POLD2: variants seen among roughly 807,000 people sequenced by gnomAD.
POLD2 encodes DNA polymerase delta 2, accessory subunit.
POLD2 carries 31 observed loss-of-function variants against 48.8 expected under a neutral mutation model. The ratio of observed to expected loss-of-function variants is 0.64; its 90% CI spans 0.48 to 0.86. The LOEUF is 0.86. POLD2 is among the 40% of genes least tolerant of loss of function. The pLI, the probability that POLD2 is intolerant of heterozygous loss-of-function variation, is 0.00. For synonymous variants in POLD2, 233 were observed against 256.3 expected, an observed-to-expected ratio of 0.91 and a Z score of 0.87; for missense variants, 455 against 610.1, an observed-to-expected ratio of 0.75 and a Z score of 2.68.
chr7:44,115,779 G>T lies in POLD2; in HGVS notation c.1134C>A (p.Ala378=), dbSNP rs771338389. 1.9e-6 allele frequency: 3 copies of T among 1,613,858 alleles called. No homozygotes were observed. The Admixed American group carries it at 5.0e-5, about 27-fold the overall frequency. The part of the protein sequence containing the change: ...TLRVRHISPT[A]PDTLGCYPFY... ...TGAGCCTGTTACCTAGAGTGTCAGG[G>T]GCTGTGGGGCTGATGTGACGGACCC... The change falls in exon 9 of 11, where the codon GCC becomes GCA. Residue 378 remains alanine (A), a synonymous_variant. Transcript: ENST00000610533.
At chr7:44,117,376 A>G (rs1391863246) in intron 4 of POLD2, 129 bp from the exon 5 acceptor site, 8 of 746,572 alleles carry the variant, frequency 1.1e-5, no homozygotes, top group African/African-American at 1.7e-5. Flanking sequence ...GGACTCCAGG[A>G]TGCATGCCTG....
In POLD2 at chr7:44,116,188, A is replaced by T; in HGVS notation, c.946T>A (p.Phe316Ile). 1.2e-6 allele frequency: 2 copies of T among 1,613,968 alleles called. No homozygotes were observed. Among genetic ancestry groups the T allele is most frequent in the Non-Finnish European group, 1.7e-6 (2 of 1,180,020 alleles). Residue 316 changes from phenylalanine to isoleucine, a missense_variant, in exon 8 of 11, where the codon TTC becomes ATC. This residue lies in a region of POLD2 where 349 missense variants were observed against 437.4 expected (regional missense o/e 0.80). Coordinates refer to ENST00000610533, the MANE Select transcript of POLD2 (RefSeq NM_006230.4). The surrounding 1 kb of genome is among the most constrained non-coding windows in gnomAD (Gnocchi z 6.1). ...LPQQPLHPCM[F>I]PLATAYSTLQ... ...GTGGAGTAGGCAGTGGCCAGCGGGA[A>T]CATGCAGGGGTGGAGGGGCTGCTGG...
Position 44,116,895 on chromosome 7 carries a change from G to A in POLD2, c.702C>T (p.Ser234=), listed in dbSNP as rs148736907. The A allele has an allele frequency of 1.6e-5, 26 of 1,613,802 alleles. No individual in the cohort carries two copies. Among genetic ancestry groups the A allele is most frequent in the African/African-American group, 4.0e-5 (3 of 74,898 alleles). ...GQLGDEGEQC[S]AAHVSRVILA... ...GGATAACCCGGGAGACGTGGGCGGC[G>A]CTGCACTGCTCCCCTTCGTCCCCAA... Residue 234 remains serine, a synonymous_variant, in exon 6 of 11, where the codon AGC becomes AGT. Transcript: ENST00000610533. This position sits in a 1 kb window ranked among gnomAD's most constrained non-coding sequence, Gnocchi z 6.1.
rs372091344 is a variant in POLD2 at position 44,116,255 on chromosome 7, G to A, written c.879C>T (p.Asp293=). The A allele has an allele frequency of 1.1e-4, 173 of 1,610,738 alleles. No homozygotes were observed. The highest frequency in any genetic ancestry group is 4.0e-4 in the Admixed American group (24 of 59,826). Reference sequence around the variant, plus strand: ...TGGGATCAAACTCGCCTGGCATCACGTCCACGGGCACTGAGGCCTGGAAGG... The same window carrying A: ...TGGGATCAAACTCGCCTGGCATCACATCCACGGGCACTGAGGCCTGGAAGG... The part of the protein sequence containing the change: ...LLQLSASVPV[D]VMPGEFDPTN... Residue 293 remains aspartate (D), a synonymous_variant, in exon 8 of 11, where the codon GAC becomes GAT. Coordinates refer to ENST00000610533, the MANE Select transcript of POLD2 (RefSeq NM_006230.4). The surrounding 1 kb of genome is among the most constrained non-coding windows in gnomAD (Gnocchi z 6.1).
At position 44,116,064 on chromosome 7, in the gene POLD2, C is replaced by A; in HGVS notation, c.1019+51G>T. On this transcript the variant is annotated intron_variant, in intron 8 of 10. Coordinates refer to ENST00000610533, the MANE Select transcript of POLD2 (RefSeq NM_006230.4). The surrounding 1 kb of genome is among the most constrained non-coding windows in gnomAD (Gnocchi z 6.1). ...CCCTCCCTCCCCTCCCTTCTTTGTG[C>A]CTCCTGAGGCAAAAGGCTGGGTCAG... is the stretch of plus-strand genomic sequence containing the variant. 1.2e-6 allele frequency: 2 copies of A among 1,610,648 alleles called. No individual in the cohort carries two copies. The highest frequency in any genetic ancestry group is 1.7e-6 in the Non-Finnish European group (2 of 1,177,748).
rs1036947716 is a variant in POLD2 at position 44,121,259 on chromosome 7, T to C, written c.220+575A>G. On this transcript the variant is annotated intron_variant, in intron 2 of 10. Transcript: ENST00000610533. This position sits in a 1 kb window ranked among gnomAD's most constrained non-coding sequence, Gnocchi z 4.5. ...GTCCCTGCTTCACCACCAAGAGTAA[T>C]CCAACTGCAGGAGAGATCACCAGGG... 6.6e-6 allele frequency among the ~76,000 whole-genome samples: 1 copy of C among 151,706 alleles called. No individual in the cohort carries two copies. The highest frequency in any genetic ancestry group is 1.5e-5 in the Non-Finnish European group (1 of 67,944).
Position 44,116,718 on chromosome 7 carries a change from G to GGA in POLD2, c.780+98_780+99insTC, listed in dbSNP as rs1476516205. On this transcript the variant is annotated intron_variant, in intron 6 of 10. Transcript: ENST00000610533. This position sits in a 1 kb window ranked among gnomAD's most constrained non-coding sequence, Gnocchi z 6.1. ...TGCAGGGCGCTTCCCACCGACCTGCGAGACCTCACAGGGTACCCTACTCGC... is the reference window on the plus strand; with the variant it reads ...TGCAGGGCGCTTCCCACCGACCTGCGGAAGACCTCACAGGGTACCCTACTCGC... The GGA allele has an allele frequency of 7.2e-5, 97 of 1,352,352 alleles. No individual in the cohort carries two copies. The highest frequency in any genetic ancestry group is 9.2e-5 in the Non-Finnish European group (89 of 965,056). The allele number at this position is 1,352,352 out of a possible 1,614,324, so 83.8% of individuals were successfully genotyped here. A position where few individuals can be genotyped will look rare whatever the true frequency, so the allele number is the denominator to read the frequency against.
Position 44,116,825 on chromosome 7 carries a change from T to C in POLD2, c.772A>G (p.Ile258Val), listed in dbSNP as rs966156759. 1.2e-5 allele frequency: 19 copies of C among 1,613,678 alleles called. No homozygotes were observed. The highest frequency in any genetic ancestry group is 1.4e-5 in the Non-Finnish European group (17 of 1,179,964). ...CCAGGTGGGCTCCATACCTTATTGA[T>C]AGAATCCCTGCTCTGGGTGCTGTGG... ...LSHSTQSRDS[I>V]NKAKYLTKKT... is the part of the protein sequence containing the mutation. The change falls in exon 6 of 11, where the codon ATC becomes GTC. Residue 258 changes from isoleucine to valine, a missense_variant. Ile to Val is a conservative substitution (Grantham distance 29). Transcript: ENST00000610533. This position sits in a 1 kb window ranked among gnomAD's most constrained non-coding sequence, Gnocchi z 6.1.
chr7:44,116,267 T>C lies in POLD2; in HGVS notation c.867A>G (p.Ser289=), dbSNP rs750572802. The C allele has an allele frequency of 2.5e-6, 4 of 1,609,096 alleles. No homozygotes were observed. Among genetic ancestry groups the C allele is most frequent in the Non-Finnish European group, 3.4e-6 (4 of 1,177,208 alleles). ...LDEILLQLSA[S]VPVDVMPGEF... The stretch of plus-strand genomic sequence containing the variant: ...CGCCTGGCATCACGTCCACGGGCAC[T>C]GAGGCCTGGAAGGCACAGGGCAGGG... Residue 289 remains serine, a synonymous_variant, in exon 8 of 11, where the codon TCA becomes TCG. Transcript: ENST00000610533. This position sits in a 1 kb window ranked among gnomAD's most constrained non-coding sequence, Gnocchi z 6.1.
chr7:44,116,797 C>T lies in POLD2; in HGVS notation c.780+20G>A, dbSNP rs1343208688. On this transcript the variant is annotated intron_variant, in intron 6 of 10. Transcript: ENST00000610533. The surrounding 1 kb of genome is among the most constrained non-coding windows in gnomAD (Gnocchi z 6.1). Reference sequence around the variant, plus strand: ...CAGGCTCCTGGGCTGGGGCTGAATGCAGCCAGGTGGGCTCCATACCTTATT... The same window carrying T: ...CAGGCTCCTGGGCTGGGGCTGAATGTAGCCAGGTGGGCTCCATACCTTATT... 13 of 1,611,024 alleles carry T rather than the reference C, an allele frequency of 8.1e-6. No individual in the cohort carries two copies. Among genetic ancestry groups the T allele is most frequent in the Non-Finnish European group, 1.1e-5 (13 of 1,178,272 alleles).
chr7:44,114,879 A>G lies in POLD2; in HGVS notation c.1316T>C (p.Leu439Pro), dbSNP rs764357869. ...PDFSATQTAC[L>P]VNLRSLACQP... is the part of the protein sequence containing the mutation. Reference sequence around the variant, plus strand: ...GCAGGCCAGGCTGCGCAGGTTCACAAGGCAGGCGGTCTGCGTGGCACTGAA... The same window carrying G: ...GCAGGCCAGGCTGCGCAGGTTCACAGGGCAGGCGGTCTGCGTGGCACTGAA... The change falls in exon 11 of 11, where the codon CTT becomes CCT. Residue 439 changes from leucine to proline, a missense_variant. Physicochemically the swap from Leu to Pro is moderately conservative, Grantham distance 98. Coordinates refer to ENST00000610533, the MANE Select transcript of POLD2 (RefSeq NM_006230.4). 6.2e-7 allele frequency: 1 copy of G among 1,613,754 alleles called. No homozygotes were observed. Among genetic ancestry groups the G allele is most frequent in the Non-Finnish European group, 8.5e-7 (1 of 1,179,882 alleles).
intron 2 of POLD2, among the ~76,000 whole-genome samples, chr7:44,118,727 G>GC: frequency 6.6e-6 from 1 of 151,598 alleles, no homozygotes; most frequent in Non-Finnish European, 1.5e-5. Flanking sequence ...CACCGTGTTA[G>GC]CCAGGATGGT....
At position 44,116,654 on chromosome 7, in the gene POLD2, G is replaced by A; in HGVS notation, c.781-144C>T. 1.0e-6 allele frequency: 1 copy of A among 1,001,506 alleles called. No individual in the cohort carries two copies. The highest frequency in any genetic ancestry group is 1.6e-5 in the African/African-American group (1 of 62,670). 62.0% of individuals were successfully genotyped at this position (1,001,506 alleles called of 1,614,324 possible). A position where few individuals can be genotyped will look rare whatever the true frequency, so the allele number is the denominator to read the frequency against. On this transcript the variant is annotated intron_variant, in intron 6 of 10. Coordinates refer to ENST00000610533, the MANE Select transcript of POLD2 (RefSeq NM_006230.4). This position sits in a 1 kb window ranked among gnomAD's most constrained non-coding sequence, Gnocchi z 6.1. ...CTCCCACCATCCTCAGCGAGGGCCT[G>A]GGCATGAGGAGCCCCATTGCAGGAG... is the stretch of plus-strand genomic sequence containing the variant.
chr7:44,115,667 T>C, intron 9 of POLD2, 99 bp downstream of exon 9: 13 of 1,331,940 alleles, frequency 9.8e-6, no homozygotes, highest in South Asian at 2.8e-5. Context: ...TTCTCAGCAA[T>C]GCTGGCAAGT....
chr7:44,118,798 C>T (rs962906840), intron 2 of POLD2, among the ~76,000 whole-genome samples: 7 of 152,072 alleles, frequency 4.6e-5, no homozygotes, highest in Admixed American at 1.3e-4. Context: ...GGATTACAGT[C>T]GTGAGCCACC....
Position 44,116,544 on chromosome 7 carries a change from G to A in POLD2, c.781-34C>T. The A allele has an allele frequency of 6.6e-7, 1 of 1,521,442 alleles. No individual in the cohort carries two copies. The highest frequency in any genetic ancestry group is 8.9e-7 in the Non-Finnish European group (1 of 1,118,470). The allele number at this position is 1,521,442 out of a possible 1,614,324, so 94.2% of individuals were successfully genotyped here. A position where few individuals can be genotyped will look rare whatever the true frequency, so the allele number is the denominator to read the frequency against. On this transcript the variant is annotated intron_variant, in intron 6 of 10. Transcript: ENST00000610533. This position sits in a 1 kb window ranked among gnomAD's most constrained non-coding sequence, Gnocchi z 6.1. ...GAAGCCCAGAAGGCCATCAGGCCCA[G>A]GCGAGTCCCAGGCTCAGAGGAGAGT...
chr7:44,122,220 T>C (rs775498636), intron 1 of POLD2, 111 bp from the exon 2 acceptor site: 162 of 1,433,090 alleles, frequency 1.1e-4, no homozygotes, highest in Non-Finnish European at 1.4e-4. Context: ...AGAACAGCTG[T>C]AGTTGACACC....
At chr7:44,123,155 G>T (rs1268546042) in intron 1 of POLD2, 3 of 836,292 alleles carry the variant, frequency 3.6e-6, no homozygotes, top group South Asian at 3.8e-5. Context: ...GATTTGTTTC[G>T]TTTTACTTTT....
rs1210142271 is a variant in POLD2, at chr7:44,116,586, G to C, written c.781-76C>G. The stretch of plus-strand genomic sequence containing the variant: ...GAGGAGAGTAGAGCCCCACCAGCTG[G>C]AAGATGCAGTTGTTGTCCCATAGAC... On this transcript the variant is annotated intron_variant, in intron 6 of 10. Coordinates refer to ENST00000610533, the MANE Select transcript of POLD2 (RefSeq NM_006230.4). The surrounding 1 kb of genome is among the most constrained non-coding windows in gnomAD (Gnocchi z 6.1). 9.7e-6 allele frequency: 12 copies of C among 1,233,154 alleles called. No individual in the cohort carries two copies. Among genetic ancestry groups the C allele is most frequent in the Non-Finnish European group, 1.4e-5 (12 of 861,026 alleles). The allele number at this position is 1,233,154 out of a possible 1,614,324, so 76.4% of individuals were successfully genotyped here.
Sources: gnomAD v4.1 joint callset for allele counts (sites outside exome capture counted in the v4.1 genomes callset) on GRCh38, gnomAD v4.1.1 for gene constraint, gnomAD v4.1.1 regional missense constraint, Gnocchi (gnomAD v3.1) non-coding constraint, MANE v1.5 for transcripts, NCBI Gene and HGNC (gene_info 2026-07-23, HGNC 2026-07-21) for gene names.